The following PRKN variants were observed in gnomAD, a reference collection of about 807,000 sequenced individuals.
The protein encoded by PRKN is E3 ubiquitin-protein ligase parkin.
A neutral mutation model predicts 59.5 loss-of-function variants in PRKN; 56 were observed. The ratio of observed to expected loss-of-function variants is 0.94; its 90% CI spans 0.76 to 1.18. The LOEUF (loss-of-function observed/expected upper bound fraction) is 1.18, where lower values mean the gene tolerates loss of function less well. Ranked by LOEUF, PRKN falls within the 50% of genes most tolerant of loss-of-function variation. The pLI, the probability that PRKN is intolerant of heterozygous loss-of-function variation, is 0.00. For synonymous variants in PRKN, 250 were observed against 222.1 expected (o/e 1.13, Z -1.12); for missense variants, 657 against 596.4 (o/e 1.10, Z -1.06).
chr6:162,696,091 T>C (rs989469742), intron 1 of PRKN, among the ~76,000 whole-genome samples: 1 of 151,690 alleles, frequency 6.6e-6, no homozygotes, highest in Non-Finnish European at 1.5e-5. Flanking sequence ...TATAAACAAA[T>C]TGGTAACAGG....
intron 6 of PRKN, among the ~76,000 whole-genome samples, chr6:161,885,644 G>A (rs1385002882): frequency 2.2e-5 from 3 of 138,412 alleles, no homozygotes; most frequent in Non-Finnish European, 4.6e-5. Flanking sequence ...CAGCCTGGGT[G>A]ACAGAGCGAG....
intron 1 of PRKN, among the ~76,000 whole-genome samples, chr6:162,482,909 G>A (rs1418769193): frequency 6.7e-6 from 1 of 148,202 alleles, no homozygotes; most frequent in Admixed American, 6.8e-5. Flanking sequence ...AAACACTCCG[G>A]CCTGAGGGTA....
At chr6:162,124,920 T>G (rs1260062137) in intron 4 of PRKN, among the ~76,000 whole-genome samples, 1 of 152,014 alleles carries the variant, frequency 6.6e-6, no homozygotes, top group Non-Finnish European at 1.5e-5. Flanking sequence ...AGGAATGAAA[T>G]CCCTCAGTCA....
intron 2 of PRKN, among the ~76,000 whole-genome samples, chr6:162,403,673 A>G (rs1157628574): frequency 6.6e-6 from 1 of 152,152 alleles, no homozygotes; most frequent in African/African-American, 2.4e-5. Context: ...TCCTGGATTC[A>G]GGAATGGGGA....
intron 2 of PRKN, among the ~76,000 whole-genome samples, chr6:162,380,115 T>A (rs1219910929): frequency 6.6e-6 from 1 of 152,116 alleles, no homozygotes; most frequent in Non-Finnish European, 1.5e-5. Flanking sequence ...ATTCTGTACT[T>A]TATCGAGTAC....
At chr6:161,574,305 C>T (rs1781048470) in intron 7 of PRKN, among the ~76,000 whole-genome samples, 1 of 151,916 alleles carries the variant, frequency 6.6e-6, no homozygotes, top group African/African-American at 2.4e-5. Context: ...GCGGAGGGGG[C>T]GGAGGTGGCA....
In PRKN at chr6:161,470,563, C is replaced by T. The variant is rs573418542; in HGVS notation, c.1083+78291G>A. On this transcript the variant is annotated intron_variant, in intron 9 of 11. Transcript: ENST00000366898. This position sits in a 1 kb window ranked among gnomAD's most constrained non-coding sequence, Gnocchi z 5.1. Reference sequence around the variant, plus strand: ...TCTTAGAGGGTTCTGCCCTGGCCCTCCTCTGGCCACACCCCTCTTCCTGGA... The same window carrying T: ...TCTTAGAGGGTTCTGCCCTGGCCCTTCTCTGGCCACACCCCTCTTCCTGGA... Among the ~76,000 whole-genome samples, 3 of 152,328 alleles carry T rather than the reference C, an allele frequency of 2.0e-5. No homozygotes were observed. Among genetic ancestry groups the T allele is most frequent in the Admixed American group, 6.5e-5 (1 of 15,296 alleles).
At chr6:162,214,208 G>C (rs1020848428) in intron 3 of PRKN, among the ~76,000 whole-genome samples, 4 of 152,184 alleles carry the variant, frequency 2.6e-5, no homozygotes, top group African/African-American at 9.7e-5. Flanking sequence ...GAAGTTTAGA[G>C]GTGGGGCCAA....
intron 5 of PRKN, among the ~76,000 whole-genome samples, chr6:162,006,943 A>AC (rs1554259822): frequency 6.6e-6 from 1 of 151,776 alleles, no homozygotes; most frequent in Non-Finnish European, 1.5e-5. Flanking sequence ...GAAGAGCGCC[A>AC]GCACATTGTA....
At chr6:161,511,400 G>A (rs1025378644) in intron 9 of PRKN, among the ~76,000 whole-genome samples, 15 of 152,062 alleles carry the variant, frequency 9.9e-5, no homozygotes, top group East Asian at 1.9e-4. Flanking sequence ...AATATAAACC[G>A]CACGAGGCCT....
intron 1 of PRKN, among the ~76,000 whole-genome samples, chr6:162,492,022 C>T (rs1004705799): frequency 6.6e-6 from 1 of 152,150 alleles, no homozygotes; most frequent in African/African-American, 2.4e-5. Flanking sequence ...GCAGACGTGT[C>T]TCGGGTGCAG....
chr6:161,474,248 T>A (rs1790953009), intron 9 of PRKN, among the ~76,000 whole-genome samples: 1 of 152,170 alleles, frequency 6.6e-6, no homozygotes, highest in Admixed American at 6.5e-5. Flanking sequence ...GCACAGGGCC[T>A]GGTGTGTAAT....
chr6:162,058,041 T>G (rs114392075), intron 4 of PRKN, among the ~76,000 whole-genome samples: 2,824 of 152,310 alleles, frequency 0.019, 97 homozygotes, highest in African/African-American at 0.064. Flanking sequence ...TTTTAATGTC[T>G]GTTTCTCTGT....
chr6:162,011,755 A>G (rs977531293), intron 5 of PRKN, among the ~76,000 whole-genome samples: 4 of 151,178 alleles, frequency 2.6e-5, no homozygotes, highest in Admixed American at 6.7e-5. Flanking sequence ...ATATATTTTT[A>G]AATTTTACAA....
intron 2 of PRKN, among the ~76,000 whole-genome samples, chr6:162,412,920 T>A (rs549872440): frequency 2.6e-5 from 4 of 152,346 alleles, no homozygotes; most frequent in South Asian, 2.1e-4. Context: ...AACATTTTTT[T>A]AAACTTTCAA....
At chr6:161,938,303 A>C (rs7759273) in intron 6 of PRKN, among the ~76,000 whole-genome samples, 54,941 of 152,018 alleles carry the variant, frequency 0.36, 10,247 homozygotes, top group Middle Eastern at 0.53. Context: ...ACTTCAAGAG[A>C]GTTTACCCAA....
At chr6:162,108,524 T>C (rs139938860) in intron 4 of PRKN, among the ~76,000 whole-genome samples, 117 of 152,286 alleles carry the variant, frequency 7.7e-4, no homozygotes, top group South Asian at 2.5e-3. Flanking sequence ...AGCTGAAACA[T>C]AGCAGGAACT....
chr6:161,840,809 T>C (rs1016912779), intron 6 of PRKN, among the ~76,000 whole-genome samples: 20 of 152,156 alleles, frequency 1.3e-4, no homozygotes, highest in African/African-American at 4.8e-4. Context: ...GGCTACATGG[T>C]ATTCCACATG....
At chr6:161,567,064 A>G (rs1230282055) in intron 8 of PRKN, among the ~76,000 whole-genome samples, 6 of 109,252 alleles carry the variant, frequency 5.5e-5, no homozygotes, top group Non-Finnish European at 9.4e-5. Context: ...TGTGTGAGAG[A>G]GGGTCACTCT....
Sources: gnomAD v4.1 joint callset for allele counts (sites outside exome capture counted in the v4.1 genomes callset) on GRCh38, gnomAD v4.1.1 for gene constraint, Gnocchi (gnomAD v3.1) non-coding constraint, MANE v1.5 for transcripts, NCBI Gene and HGNC (gene_info 2026-07-23, HGNC 2026-07-21) for gene names.